Variants in MCCC1 observed in about 807,000 individuals in gnomAD.
MCCC1 encodes the protein methylcrotonyl-CoA carboxylase subunit 1, also known as methylcrotonoyl-CoA carboxylase subunit alpha, mitochondrial.
In MCCC1, 64 loss-of-function variants were observed where a neutral mutation model predicts 83.8. The observed-to-expected ratio is 0.76, with a 90% CI of 0.62 to 0.94. The LOEUF (loss-of-function observed/expected upper bound fraction) is 0.94, where lower values mean the gene tolerates loss of function less well. MCCC1 is among the 40% of genes least tolerant of loss of function. The probability of loss-of-function intolerance (pLI) is 0.00; values close to 1 mark genes in which losing one functional copy is unlikely to be tolerated. For missense variants in MCCC1, 807 were observed against 904.7 expected (o/e 0.89, Z 1.39); for synonymous variants, 322 against 315.4 (o/e 1.02, Z -0.22).
rs372797109 is a variant in MCCC1, at chr3:183,070,985, T to C, written c.761+14A>G. On this transcript the variant is annotated intron_variant, in intron 7 of 18. Coordinates refer to ENST00000265594, the MANE Select transcript of MCCC1 (RefSeq NM_020166.5). ...ATTTTTAAACTCTGAGTCAGAAAAA[T>C]AAGGCCAACCCACCTCGGTGTGTCT... 3 of 1,612,242 alleles carry C rather than the reference T, an allele frequency of 1.9e-6. No individual in the cohort carries two copies. In the African/African-American group the frequency reaches 4.0e-5, roughly 22 times the overall value.
At chr3:183,053,721 C>T (rs528245544) in intron 8 of MCCC1, among the ~76,000 whole-genome samples, 136 of 148,292 alleles carry the variant, frequency 9.2e-4, no homozygotes, top group African/African-American at 3.1e-3. Flanking sequence ...AGGAGAATGG[C>T]GTGAACCCAG....
rs563718218 is a variant in MCCC1 at position 183,106,081 on chromosome 3, T to TAAAAAAAAAAAAA, written c.-102+9380_-102+9392dup. 7.7e-4 allele frequency among the ~76,000 whole-genome samples: 78 copies of TAAAAAAAAAAAAA among 101,044 alleles called. 3 individuals carry two copies. Among genetic ancestry groups the TAAAAAAAAAAAAA allele is most frequent in the Non-Finnish European group, 9.1e-4 (46 of 50,546 alleles). The allele number at this position is 101,044 out of a possible 152,430, so 66.3% of individuals were successfully genotyped here. On this transcript the variant is annotated intron_variant, in intron 1 of 17. Coordinates refer to the MCCC1 transcript ENST00000492597. ...TCCAGCCTGAGCAACAGAGAGTCCG[T>TAAAAAAAAAAAAA]AAAAAAAAAAAAAAAGACTACCAAA...
chr3:183,096,051 G>A (rs1241522050), intron 1 of MCCC1, among the ~76,000 whole-genome samples: 5 of 152,156 alleles, frequency 3.3e-5, no homozygotes, highest in African/African-American at 4.8e-5. Flanking sequence ...AAGAGGATAA[G>A]TGGGCTGGGT....
At chr3:183,042,976 C>T (rs1269967050) in intron 10 of MCCC1, among the ~76,000 whole-genome samples, 4 of 152,162 alleles carry the variant, frequency 2.6e-5, no homozygotes, top group Non-Finnish European at 5.9e-5. Flanking sequence ...AGACTTGGAA[C>T]CAGTTTTTTA....
In MCCC1 at chr3:183,057,327, A is replaced by G. The variant is rs2108505511; in HGVS notation, c.857T>C (p.Ile286Thr). 1 of 1,607,026 alleles carries G rather than the reference A, an allele frequency of 6.2e-7. No individual in the cohort carries two copies. The highest frequency in any genetic ancestry group is 8.5e-7 in the Non-Finnish European group (1 of 1,175,900). ...CSVQRRHQKI[I>T]EEAPAPGIKS... Reference sequence around the variant, plus strand: ...GGTCCTTACCGCTGGGGCCTCCTCAATGATCTTCTGATGTCGCCTCTGCAC... The same window carrying G: ...GGTCCTTACCGCTGGGGCCTCCTCAGTGATCTTCTGATGTCGCCTCTGCAC... The change falls in exon 8 of 19, where the codon ATT (isoleucine) becomes ACT (threonine). Residue 286 changes from isoleucine (I) to threonine (T), a missense_variant. Transcript: ENST00000265594.
intron 3 of MCCC1, among the ~76,000 whole-genome samples, chr3:183,087,473 C>T (rs1045361625): frequency 1.3e-5 from 2 of 151,964 alleles, no homozygotes; most frequent in African/African-American, 4.8e-5. Context: ...CTGTGATGAA[C>T]GTCATGGAGG....
intron 14 of MCCC1, among the ~76,000 whole-genome samples, chr3:183,026,673 G>A (rs112470513): frequency 7.2e-5 from 11 of 152,174 alleles, no homozygotes; most frequent in African/African-American, 2.7e-4. Context: ...TCGCACCACT[G>A]CACTCCAGCC....
chr3:183,095,654 C>T (rs1243827556), intron 1 of MCCC1, among the ~76,000 whole-genome samples: 3 of 152,038 alleles, frequency 2.0e-5, no homozygotes, highest in African/African-American at 2.4e-5. Context: ...TTTGGAAAGC[C>T]GTAAACCATG....
In MCCC1 at chr3:183,017,341, G is replaced by C; in HGVS notation, c.1978-4C>G. 6.2e-7 allele frequency: 1 copy of C among 1,613,558 alleles called. No individual in the cohort carries two copies. The stretch of plus-strand genomic sequence containing the variant: ...TGTCTCCAGCTTTGACAAACACCTT[G>C]AGATTCAGTGTGACAGGTTAATATT... On this transcript the variant is annotated splice_polypyrimidine_tract_variant and splice_region_variant and intron_variant, in intron 17 of 18. Transcript: ENST00000265594.
At chr3:183,026,199 C>T (rs1463066095) in intron 14 of MCCC1, among the ~76,000 whole-genome samples, 1 of 152,028 alleles carries the variant, frequency 6.6e-6, no homozygotes, top group Middle Eastern at 3.2e-3. Context: ...TGCCACCACG[C>T]CCGGCTAATT....
intron 7 of MCCC1, among the ~76,000 whole-genome samples, chr3:183,066,625 C>T (rs1251440935): frequency 6.6e-6 from 1 of 152,182 alleles, no homozygotes; most frequent in South Asian, 2.1e-4. Context: ...ATCAACTATA[C>T]AACTCTAATA....
rs372044687 is a variant in MCCC1, at chr3:183,047,663, GA to G, written c.956-2124del. 2.0e-3 allele frequency among the ~76,000 whole-genome samples: 279 copies of G among 139,596 alleles called. 2 individuals carry two copies. The highest frequency in any genetic ancestry group is 3.8e-3 in the Middle Eastern group (1 of 266). 91.6% of individuals were successfully genotyped at this position (139,596 alleles called of 152,430 possible). A position where few individuals can be genotyped will look rare whatever the true frequency, so the allele number is the denominator to read the frequency against. ...AGAATAAAAAGGAAATGCTAGAATT[GA>G]AAAAAAAAAAACCATAACCCTAATA... On this transcript the variant is annotated intron_variant, in intron 9 of 18. Transcript: ENST00000265594.
chr3:183,088,206 G>GTTGTTGT (rs1298355071), intron 3 of MCCC1, among the ~76,000 whole-genome samples: 3 of 146,140 alleles, frequency 2.1e-5, no homozygotes, highest in African/African-American at 7.4e-5. Context: ...TGTTGTTGTT[G>GTTGTTGT]TGTGTTTTTT....
chr3:183,106,082 A>G (rs1719398270), intron 1 of MCCC1, among the ~76,000 whole-genome samples: 2 of 22,658 alleles, frequency 8.8e-5, no homozygotes, highest in South Asian at 3.7e-3. Context: ...GAGAGTCCGT[A>G]AAAAAAAAAA....
intron 8 of MCCC1, among the ~76,000 whole-genome samples, chr3:183,054,590 A>G (rs1715272778): frequency 6.6e-6 from 1 of 152,190 alleles, no homozygotes; most frequent in African/African-American, 2.4e-5. Context: ...TTTATAAAGC[A>G]AAAAAGTTAT....
chr3:183,112,414 G>C (rs191307425), intron 1 of MCCC1, among the ~76,000 whole-genome samples: 3 of 152,266 alleles, frequency 2.0e-5, no homozygotes, highest in African/African-American at 7.2e-5. Flanking sequence ...AAAGAAGGCT[G>C]CAGTGGCTCC....
chr3:183,105,325 C>T (rs1379567075), intron 1 of MCCC1, among the ~76,000 whole-genome samples: 1 of 151,980 alleles, frequency 6.6e-6, no homozygotes, highest in East Asian at 1.9e-4. Context: ...GCCTGGGCAG[C>T]AAGAGCAAAA....
At chr3:183,063,049 C>T (rs1715967463) in intron 7 of MCCC1, among the ~76,000 whole-genome samples, 1 of 151,934 alleles carries the variant, frequency 6.6e-6, no homozygotes, top group East Asian at 1.9e-4. Flanking sequence ...AGTGGTGTGA[C>T]CTAGGCTCAC....
At chr3:183,051,763 G>C (rs185656376) in intron 9 of MCCC1, among the ~76,000 whole-genome samples, 5 of 143,410 alleles carry the variant, frequency 3.5e-5, no homozygotes, top group Admixed American at 2.8e-4. Flanking sequence ...TTGTGTGTTG[G>C]GGGGTATCCG....
Sources: gnomAD v4.1 joint callset for allele counts (sites outside exome capture counted in the v4.1 genomes callset) on GRCh38, gnomAD v4.1.1 for gene constraint, MANE v1.5 for transcripts, NCBI Gene and HGNC (gene_info 2026-07-23, HGNC 2026-07-21) for gene names.